NCKAP1L: variants seen among roughly 807,000 people sequenced by gnomAD.
NCKAP1L encodes NCK associated protein 1 like, also known as nck-associated protein 1-like.
NCKAP1L carries 53 observed loss-of-function variants against 139.2 expected under a neutral mutation model. That is an observed-to-expected ratio of 0.38 (90% confidence interval 0.31 to 0.48). The LOEUF (loss-of-function observed/expected upper bound fraction) is 0.48, where lower values mean the gene tolerates loss of function less well. Among genes scored for constraint, NCKAP1L ranks in the 20% least tolerant of loss-of-function variants. The pLI is 0.98. For synonymous variants in NCKAP1L, 468 were observed against 499.7 expected, an observed-to-expected ratio of 0.94 and a Z score of 0.85; for missense variants, 1,151 against 1,381.9, an observed-to-expected ratio of 0.83 and a Z score of 2.65.
In NCKAP1L at chr12:54,497,886, A is replaced by G. The variant is rs768201049; in HGVS notation, c.97A>G (p.Lys33Glu). ...QGVLIRMYNI[K>E]KTCSDPKSKP... The stretch of plus-strand genomic sequence containing the variant: ...GGTTCTCATCCGTATGTATAACATC[A>G]AGAAGGTAAGCATGAACAATGGGAC... The change falls in exon 1 of 31, where the codon AAG (lysine) becomes GAG (glutamate). Residue 33 changes from lysine (K) to glutamate (E), a missense_variant. By Grantham distance (56) the Lys-to-Glu change is moderately conservative. Coordinates refer to ENST00000293373, the MANE Select transcript of NCKAP1L (RefSeq NM_005337.5). The G allele has an allele frequency of 6.3e-7, 1 of 1,591,854 alleles. No individual in the cohort carries two copies. Among genetic ancestry groups the G allele is most frequent in the East Asian group, 2.2e-5 (1 of 44,774 alleles).
rs780687126 is a variant in NCKAP1L at position 54,521,141 on chromosome 12, G to T, written c.1781G>T (p.Gly594Val). Reference protein sequence around the residue: ...PEEYPHLKNHGLHHCNSFLEE... With the variant: ...PEEYPHLKNHVLHHCNSFLEE... Reference sequence around the variant, plus strand: ...TAGTACCCCCACCTCAAGAACCATGGTCTTCACCACTGCAACTCCTTCCTG... The same window carrying T: ...TAGTACCCCCACCTCAAGAACCATGTTCTTCACCACTGCAACTCCTTCCTG... Residue 594 changes from glycine to valine, a missense_variant, in exon 18 of 31, where the codon GGT (glycine) becomes GTT (valine). Transcript: ENST00000293373. 3 of 1,614,012 alleles carry T rather than the reference G, an allele frequency of 1.9e-6. No homozygotes were observed. Among genetic ancestry groups the T allele is most frequent in the South Asian group, 1.1e-5 (1 of 91,084 alleles).
chr12:54,508,547 A>G lies in NCKAP1L; in HGVS notation c.506+16A>G. 4 of 1,613,690 alleles carry G rather than the reference A, an allele frequency of 2.5e-6. No individual in the cohort carries two copies. The highest frequency in any genetic ancestry group is 3.4e-6 in the Non-Finnish European group (4 of 1,179,676). ...ATGGGCATGGGTGAGTTAAGGCGAG[A>G]GTATTATATGAAGAGTCTCATACAT... On this transcript the variant is annotated intron_variant, in intron 5 of 30. Transcript: ENST00000293373.
chr12:54,526,750 A>C lies in NCKAP1L; in HGVS notation c.2375+4A>C, dbSNP rs1375791880. 1 of 1,611,588 alleles carries C rather than the reference A, an allele frequency of 6.2e-7. No homozygotes were observed. ...TCACCACACTCTACACAAACTGGTC[A>C]GTGTTGCTTAGGCTTTTCCACTGCC... On this transcript the variant is annotated splice_donor_region_variant and intron_variant, in intron 21 of 30. Transcript: ENST00000293373.
chr12:54,509,968 C>T lies in NCKAP1L; in HGVS notation c.718C>T (p.Pro240Ser). The T allele has an allele frequency of 1.9e-6, 3 of 1,614,194 alleles. No homozygotes were observed. Among genetic ancestry groups the T allele is most frequent in the Non-Finnish European group, 2.5e-6 (3 of 1,180,038 alleles). Residue 240 changes from proline (P) to serine (S), a missense_variant, in exon 7 of 31, where the codon CCT becomes TCT. Transcript: ENST00000293373. ...CAGCAACCCCCCAGCCATGATTAAC[C>T]CTGCTAATTCAGATACAGTGAGTGC... is the stretch of plus-strand genomic sequence containing the variant. Reference protein sequence around the residue: ...LISNPPAMINPANSDTMACEY... With the variant: ...LISNPPAMINSANSDTMACEY...
chr12:54,515,275 G>T (rs139507176), intron 9 of NCKAP1L, among the ~76,000 whole-genome samples: 19 of 152,322 alleles, frequency 1.2e-4, no homozygotes, highest in Non-Finnish European at 2.2e-4. Flanking sequence ...GTTCAATAAA[G>T]TAGTGGTTTG....
chr12:54,514,855 G>T (rs542133653), intron 9 of NCKAP1L, among the ~76,000 whole-genome samples: 1 of 152,182 alleles, frequency 6.6e-6, no homozygotes. Flanking sequence ...GAAGTTACAG[G>T]AGGTGGATTT....
intron 26 of NCKAP1L, among the ~76,000 whole-genome samples, chr12:54,534,662 T>C (rs1381388516): frequency 6.6e-6 from 1 of 151,950 alleles, no homozygotes; most frequent in Non-Finnish European, 1.5e-5. Flanking sequence ...AGAGAGGAAG[T>C]TGTAGTTTGG....
rs762555299 is a variant in NCKAP1L at position 54,532,223 on chromosome 12, G to A, written c.2835G>A (p.Glu945=). The part of the protein sequence containing the change: ...FLMGPIECLK[E]FVTPDTDIKV... Reference sequence around the variant, plus strand: ...TGGGTCCCATTGAGTGCTTGAAGGAGTTTGTCACTCCAGACACAGACATCA... The same window carrying A: ...TGGGTCCCATTGAGTGCTTGAAGGAATTTGTCACTCCAGACACAGACATCA... Residue 945 remains glutamate (E), a synonymous_variant, in exon 26 of 31, where the codon GAG becomes GAA. Coordinates refer to ENST00000293373, the MANE Select transcript of NCKAP1L (RefSeq NM_005337.5). 5.0e-6 allele frequency: 8 copies of A among 1,613,376 alleles called. No individual in the cohort carries two copies. Among genetic ancestry groups the A allele is most frequent in the Non-Finnish European group, 6.8e-6 (8 of 1,179,740 alleles).
chr12:54,508,016 G>A (rs1438086513), intron 4 of NCKAP1L, 107 bp downstream of exon 4: 2 of 979,770 alleles, frequency 2.0e-6, no homozygotes, highest in Non-Finnish European at 3.2e-6. Context: ...GGACTGGAAG[G>A]ATGGCTATTT....
chr12:54,500,136 T>G (rs1956785813), intron 2 of NCKAP1L, among the ~76,000 whole-genome samples: 1 of 151,740 alleles, frequency 6.6e-6, no homozygotes, highest in Non-Finnish European at 1.5e-5. Flanking sequence ...CTTTTTTTTT[T>G]TTTTTGAGAT....
At chr12:54,504,990 G>A (rs1956828752) in intron 3 of NCKAP1L, among the ~76,000 whole-genome samples, 1 of 152,226 alleles carries the variant, frequency 6.6e-6, no homozygotes. Context: ...TGGAGTTGTA[G>A]AAAGGCATTC....
intron 3 of NCKAP1L, among the ~76,000 whole-genome samples, chr12:54,504,328 G>T (rs2120877854): frequency 6.6e-6 from 1 of 152,300 alleles, no homozygotes; most frequent in South Asian, 2.1e-4. Context: ...AGGATATTCA[G>T]TAGATCACAT....
rs1957213169 is a variant in NCKAP1L at position 54,548,040 on chromosome 12, T to C, written c.*5355T>C. The stretch of plus-strand genomic sequence containing the variant: ...GCTGAATCTAAATGCTGACCTAACT[T>C]GGCAATTCTTTTATGTTAGGAGTCT... On this transcript the variant is annotated 3_prime_UTR_variant, in exon 31 of 31. Coordinates refer to ENST00000293373, the MANE Select transcript of NCKAP1L (RefSeq NM_005337.5). 6.6e-6 allele frequency: 1 copy of C among 152,212 alleles called. No homozygotes were observed. Among genetic ancestry groups the C allele is most frequent in the African/African-American group, 2.4e-5 (1 of 41,468 alleles). 9.4% of individuals were successfully genotyped at this position (152,212 alleles called of 1,614,324 possible). A position where few individuals can be genotyped will look rare whatever the true frequency, so the allele number is the denominator to read the frequency against.
At chr12:54,537,843 G>A (rs1218503324) in intron 29 of NCKAP1L, among the ~76,000 whole-genome samples, 1 of 152,046 alleles carries the variant, frequency 6.6e-6, no homozygotes, top group African/African-American at 2.4e-5. Context: ...TCCACTGTAG[G>A]TCATATCCAA....
chr12:54,539,073 A>G, intron 30 of NCKAP1L, 100 bp downstream of exon 30: 2 of 1,001,078 alleles, frequency 2.0e-6, no homozygotes, highest in South Asian at 1.4e-5. Flanking sequence ...TTGTCACCCA[A>G]AAGCATTAAC....
At chr12:54,507,767 G>C (rs1483065738) in intron 3 of NCKAP1L, 86 bp from the exon 4 acceptor site, 6 of 1,243,412 alleles carry the variant, frequency 4.8e-6, no homozygotes, top group Non-Finnish European at 7.1e-6. Context: ...GACCTCTAAG[G>C]GAGAGGTCCC....
At chr12:54,521,422 C>A (rs1956983043) in intron 18 of NCKAP1L, among the ~76,000 whole-genome samples, 184 bp downstream of exon 18, 2 of 152,206 alleles carry the variant, frequency 1.3e-5, no homozygotes, top group South Asian at 2.1e-4. Flanking sequence ...TTCAGTCTTT[C>A]CTCCCTTAGG....
At position 54,543,980 on chromosome 12, in the gene NCKAP1L, C is replaced by T. The variant is rs981966665; in HGVS notation, c.*1295C>T. The T allele has an allele frequency of 1.3e-5, 2 of 152,184 alleles. No individual in the cohort carries two copies. The highest frequency in any genetic ancestry group is 4.8e-5 in the African/African-American group (2 of 41,430). The allele number at this position is 152,184 out of a possible 1,614,324, so 9.4% of individuals were successfully genotyped here. A position where few individuals can be genotyped will look rare whatever the true frequency, so the allele number is the denominator to read the frequency against. On this transcript the variant is annotated 3_prime_UTR_variant, in exon 31 of 31. Coordinates refer to ENST00000293373, the MANE Select transcript of NCKAP1L (RefSeq NM_005337.5). Reference sequence around the variant, plus strand: ...TTTCAGCAAAAACGATTCAGCCTTCCTGAAGCCTATTTGATAGCTGTTTTG... The same window carrying T: ...TTTCAGCAAAAACGATTCAGCCTTCTTGAAGCCTATTTGATAGCTGTTTTG...
intron 26 of NCKAP1L, among the ~76,000 whole-genome samples, chr12:54,533,595 A>G (rs945846852): frequency 6.6e-6 from 1 of 151,340 alleles, no homozygotes; most frequent in Non-Finnish European, 1.5e-5. Context: ...TTTTCTTGAG[A>G]CAGAGTCTCG....
Sources: gnomAD v4.1 joint callset for allele counts (sites outside exome capture counted in the v4.1 genomes callset) on GRCh38, gnomAD v4.1.1 for gene constraint, MANE v1.5 for transcripts, NCBI Gene and HGNC (gene_info 2026-07-23, HGNC 2026-07-21) for gene names.